LACTB2: variants seen among roughly 807,000 people sequenced by gnomAD.
LACTB2 encodes endoribonuclease LACTB2.
Under a neutral mutation model 34.8 loss-of-function variants are expected in LACTB2, and 32 were observed. The ratio of observed to expected loss-of-function variants is 0.92; its 90% CI spans 0.69 to 1.24. LACTB2 has a LOEUF of 1.24. LACTB2 is among the 50% of genes most tolerant of loss of function. The probability of loss-of-function intolerance (pLI) is 0.00; values close to 1 mark genes in which losing one functional copy is unlikely to be tolerated. For missense variants in LACTB2, 320 were observed against 345.0 expected, an observed-to-expected ratio of 0.93 and a Z score of 0.57; for synonymous variants, 120 against 117.5, an observed-to-expected ratio of 1.02 and a Z score of -0.14.
intron 3 of LACTB2, among the ~76,000 whole-genome samples, chr8:70,653,185 CT>C: frequency 6.6e-6 from 1 of 152,308 alleles, no homozygotes; most frequent in East Asian, 1.9e-4. Flanking sequence ...TCCCAGTTCA[CT>C]GCAACCTCTG....
At chr8:70,640,005 G>C (rs1818175659) in intron 5 of LACTB2, among the ~76,000 whole-genome samples, 1 of 152,130 alleles carries the variant, frequency 6.6e-6, no homozygotes, top group Non-Finnish European at 1.5e-5. Context: ...CTGTCACCTA[G>C]GCTGGTGTGC....
At chr8:70,657,428 A>ATTTTTTT (rs777806428) in intron 3 of LACTB2, among the ~76,000 whole-genome samples, 7 of 115,816 alleles carry the variant, frequency 6.0e-5, no homozygotes, top group South Asian at 2.7e-4. Flanking sequence ...CAGATCTTCT[A>ATTTTTTT]TTTTTTTTTT....
chr8:70,649,111 T>G (rs1434071953), intron 3 of LACTB2, among the ~76,000 whole-genome samples: 1 of 152,182 alleles, frequency 6.6e-6, no homozygotes, highest in Non-Finnish European at 1.5e-5. Flanking sequence ...CTTTCAGATA[T>G]CTAAGGTCTC....
At chr8:70,663,430 G>A (rs1818503064) in intron 1 of LACTB2, among the ~76,000 whole-genome samples, 1 of 152,180 alleles carries the variant, frequency 6.6e-6, no homozygotes, top group African/African-American at 2.4e-5. Context: ...CCTATGTTCT[G>A]TAGCACAGTA....
At chr8:70,653,261 C>G (rs941179266) in intron 3 of LACTB2, among the ~76,000 whole-genome samples, 7 of 152,128 alleles carry the variant, frequency 4.6e-5, no homozygotes, top group Admixed American at 1.3e-4. Flanking sequence ...TAGGCACACA[C>G]CACCATGCCT....
chr8:70,654,133 T>G (rs1586787219), intron 3 of LACTB2, among the ~76,000 whole-genome samples: 1 of 152,200 alleles, frequency 6.6e-6, no homozygotes, highest in South Asian at 2.1e-4. Context: ...ATAAAATTTA[T>G]ACAAAAGCTG....
chr8:70,664,330 G>C (rs1818513817), intron 1 of LACTB2, among the ~76,000 whole-genome samples: 1 of 152,140 alleles, frequency 6.6e-6, no homozygotes, highest in Non-Finnish European at 1.5e-5. Flanking sequence ...GTAATTTAAT[G>C]ACCAGATCAC....
At chr8:70,645,477 T>G (rs1419605255) in intron 3 of LACTB2, among the ~76,000 whole-genome samples, 1 of 151,996 alleles carries the variant, frequency 6.6e-6, no homozygotes, top group African/African-American at 2.4e-5. Flanking sequence ...ATGCAGAAGG[T>G]GGTCAGAAAA....
intron 4 of LACTB2, among the ~76,000 whole-genome samples, chr8:70,643,663 C>T (rs953731499): frequency 1.3e-4 from 19 of 151,590 alleles, no homozygotes; most frequent in South Asian, 1.0e-3. Flanking sequence ...TACAAGTGTG[C>T]GCCACCACAC....
chr8:70,660,261 GT>G (rs1261569926), intron 2 of LACTB2: 1 of 265,952 alleles, frequency 3.8e-6, no homozygotes, highest in African/African-American at 2.3e-5. Context: ...GCATAAAATA[GT>G]TTTTTAATTC....
At chr8:70,647,014 C>T (rs1818272076) in intron 3 of LACTB2, among the ~76,000 whole-genome samples, 1 of 152,140 alleles carries the variant, frequency 6.6e-6, no homozygotes, top group Non-Finnish European at 1.5e-5. Context: ...ATGTACCAGG[C>T]AGTGTCTTCA....
chr8:70,642,721 T>G (rs1404722952), intron 4 of LACTB2, among the ~76,000 whole-genome samples: 1 of 152,032 alleles, frequency 6.6e-6, no homozygotes, highest in Non-Finnish European at 1.5e-5. Context: ...TGACCTCAGG[T>G]GATCTGCCTG....
chr8:70,649,542 T>A (rs1364468259), intron 3 of LACTB2, among the ~76,000 whole-genome samples: 1 of 152,190 alleles, frequency 6.6e-6, no homozygotes, highest in Admixed American at 6.5e-5. Flanking sequence ...AAATAGTGTC[T>A]ACAGTCATAA....
At chr8:70,660,794 T>C (rs1257969168) in intron 2 of LACTB2, 1 of 456,216 alleles carries the variant, frequency 2.2e-6, no homozygotes, top group Non-Finnish European at 4.4e-6. Flanking sequence ...ATCTATTTTT[T>C]TCCCTTTTTT....
intron 3 of LACTB2, among the ~76,000 whole-genome samples, chr8:70,648,158 G>A (rs1054945924): frequency 3.9e-5 from 6 of 152,182 alleles, no homozygotes; most frequent in African/African-American, 1.4e-4. Flanking sequence ...TTATCCTACA[G>A]TGAGGCCTAA....
At chr8:70,665,891 A>G (rs932246235) in intron 1 of LACTB2, among the ~76,000 whole-genome samples, 2 of 152,184 alleles carry the variant, frequency 1.3e-5, no homozygotes, top group African/African-American at 4.8e-5. Context: ...AAGGTTCTTG[A>G]GCAGAGGAGG....
intron 4 of LACTB2, among the ~76,000 whole-genome samples, chr8:70,643,397 A>G (rs1818224683): frequency 6.6e-6 from 1 of 151,554 alleles, no homozygotes; most frequent in Non-Finnish European, 1.5e-5. Flanking sequence ...TAATTTTTGT[A>G]TTATTAGTAG....
At position 70,641,030 on chromosome 8, in the gene LACTB2, T is replaced by G. The variant is rs774019326; in HGVS notation, c.613A>C (p.Asn205His). 34 of 1,602,610 alleles carry G rather than the reference T, an allele frequency of 2.1e-5. No homozygotes were observed. The highest frequency in any genetic ancestry group is 2.4e-5 in the Non-Finnish European group (28 of 1,176,900). ...IYPGHGPVIH[N>H]AEAKIQQYIS... ...TATTGTTGAATTTTAGCTTCAGCAT[T>G]ATGAATTACTGGGCCATGTCCTGAA... Residue 205 changes from asparagine (N) to histidine (H), a missense_variant, in exon 5 of 7, where the codon AAT (asparagine) becomes CAT (histidine). By Grantham distance (68) the Asn-to-His change is moderately conservative. Transcript: ENST00000276590.
chr8:70,648,916 A>G (rs1818301588), intron 3 of LACTB2, among the ~76,000 whole-genome samples: 1 of 152,104 alleles, frequency 6.6e-6, no homozygotes, highest in South Asian at 2.1e-4. Context: ...AGTGGAAAAG[A>G]AGGGAAAAAG....
Sources: gnomAD v4.1 joint callset for allele counts (sites outside exome capture counted in the v4.1 genomes callset) on GRCh38, gnomAD v4.1.1 for gene constraint, MANE v1.5 for transcripts, NCBI Gene and HGNC (gene_info 2026-07-23, HGNC 2026-07-21) for gene names.